Variants in KATNA1 observed in about 807,000 individuals in gnomAD.
The protein encoded by KATNA1 is katanin catalytic subunit A1, also known as katanin p60 ATPase-containing subunit A1.
KATNA1 carries 42 observed loss-of-function variants against 62.6 expected under a neutral mutation model. The ratio of observed to expected loss-of-function variants is 0.67; its 90% CI spans 0.52 to 0.87. The LOEUF (loss-of-function observed/expected upper bound fraction) is 0.87, where lower values mean the gene tolerates loss of function less well. Among genes scored for constraint, KATNA1 ranks in the 40% least tolerant of loss-of-function variants. The pLI, the probability that KATNA1 is intolerant of heterozygous loss-of-function variation, is 0.00. For missense variants in KATNA1, 498 were observed against 612.5 expected (o/e 0.81, Z 1.97); for synonymous variants, 186 against 201.9 (o/e 0.92, Z 0.67).
intron 1 of KATNA1, among the ~76,000 whole-genome samples, chr6:149,641,103 C>T (rs572445711): frequency 3.3e-5 from 5 of 151,426 alleles, no homozygotes; most frequent in South Asian, 2.1e-4. Flanking sequence ...CTCCCGATCT[C>T]GGGTGATCTG....
Position 149,597,490 on chromosome 6 carries a change from G to GA in KATNA1, c.1150+16dup. 1 of 1,610,292 alleles carries GA rather than the reference G, an allele frequency of 6.2e-7. No individual in the cohort carries two copies. The highest frequency in any genetic ancestry group is 8.5e-7 in the Non-Finnish European group (1 of 1,178,916). Reference sequence around the variant, plus strand: ...TGAAAGTTAACAGGCTTTCTGACAAGATTGAAAGGAAGATACCTGACGGCA... The same window carrying GA: ...TGAAAGTTAACAGGCTTTCTGACAAGAATTGAAAGGAAGATACCTGACGGCA... On this transcript the variant is annotated intron_variant, in intron 9 of 10. Transcript: ENST00000367411.
At chr6:149,616,963 T>C (rs1256675806) in intron 4 of KATNA1, among the ~76,000 whole-genome samples, 1 of 152,178 alleles carries the variant, frequency 6.6e-6, no homozygotes, top group African/African-American at 2.4e-5. Flanking sequence ...TGCAATGGAA[T>C]AGCACTCAGC....
At chr6:149,633,012 A>AT (rs1309540640) in intron 2 of KATNA1, 96 bp from the exon 3 acceptor site, 1 of 856,576 alleles carries the variant, frequency 1.2e-6, no homozygotes, top group Non-Finnish European at 1.8e-6. Flanking sequence ...ACAAAACTCC[A>AT]TTTTGATATC....
chr6:149,595,924 T>G (rs1778291627), intron 10 of KATNA1, among the ~76,000 whole-genome samples: 2 of 152,232 alleles, frequency 1.3e-5, no homozygotes, highest in Admixed American at 1.3e-4. Flanking sequence ...TTAAAGACAT[T>G]CTTTTTTTCT....
intron 4 of KATNA1, among the ~76,000 whole-genome samples, chr6:149,612,412 A>C (rs558364366): frequency 6.6e-6 from 1 of 151,784 alleles, no homozygotes; most frequent in East Asian, 2.0e-4. Context: ...GTGAAGCTGA[A>C]GCACGAGAAT....
chr6:149,639,795 C>A (rs1780211173), intron 1 of KATNA1, among the ~76,000 whole-genome samples: 2 of 152,132 alleles, frequency 1.3e-5, no homozygotes, highest in South Asian at 4.1e-4. Context: ...CATCCCAAGA[C>A]ACTTGTCTAC....
chr6:149,598,393 T>C (rs1778409217), intron 7 of KATNA1, 43 bp from the exon 8 acceptor site: 2 of 1,596,698 alleles, frequency 1.3e-6, no homozygotes, highest in South Asian at 1.1e-5. Flanking sequence ...TAAGCTATTA[T>C]TTCATTTTAA....
intron 1 of KATNA1, among the ~76,000 whole-genome samples, chr6:149,641,482 G>A (rs1449597795): frequency 3.3e-5 from 5 of 151,692 alleles, no homozygotes; most frequent in South Asian, 2.1e-4. Context: ...GGCCTGCCTT[G>A]GGGTTTTTTT....
rs1263981056 is a variant in KATNA1 at position 149,623,193 on chromosome 6, G to T, written c.411C>A (p.His137Gln). ...GNRPSTTVRV[H>Q]RSSAQNVHND... ...TGTGAACATTCTGTGCAGATGAACGGTGAACTCTGACAGTTGTACTTGGAC... is the reference window on the plus strand; with the variant it reads ...TGTGAACATTCTGTGCAGATGAACGTTGAACTCTGACAGTTGTACTTGGAC... Residue 137 changes from histidine (H) to glutamine (Q), a missense_variant, in exon 4 of 11, where the codon CAC becomes CAA. Physicochemically the swap from His to Gln is conservative, Grantham distance 24. Transcript: ENST00000367411. The T allele has an allele frequency of 3.1e-6, 5 of 1,613,590 alleles. No homozygotes were observed. Among genetic ancestry groups the T allele is most frequent in the Non-Finnish European group, 4.2e-6 (5 of 1,179,694 alleles).
chr6:149,631,336 T>C (rs1421019050), intron 3 of KATNA1: 1 of 151,960 alleles, frequency 6.6e-6, no homozygotes, highest in East Asian at 1.9e-4. Context: ...GAGGCAGAGG[T>C]TGCAGTGAGC....
In KATNA1 at chr6:149,595,085, G is replaced by A; in HGVS notation, c.1427C>T (p.Ala476Val). The A allele has an allele frequency of 6.2e-7, 1 of 1,614,012 alleles. No individual in the cohort carries two copies. Among genetic ancestry groups the A allele is most frequent in the Non-Finnish European group, 8.5e-7 (1 of 1,179,954 alleles). The change falls in exon 11 of 11, where the codon GCA becomes GTA. Residue 476 changes from alanine to valine, a missense_variant. This residue lies in a region of KATNA1 where 267 missense variants were observed against 372.6 expected (regional missense o/e 0.72). Coordinates refer to ENST00000367411, the MANE Select transcript of KATNA1 (RefSeq NM_007044.4). ...CCATTTCTCGTATCTTTCAATGTCT[G>A]CAGCAGACACTGACTTAGAAACCTT... Reference protein sequence around the residue: ...LKKVSKSVSAADIERYEKWIF... With the variant: ...LKKVSKSVSAVDIERYEKWIF...
chr6:149,625,501 G>C (rs533131320), intron 3 of KATNA1, among the ~76,000 whole-genome samples: 2 of 151,998 alleles, frequency 1.3e-5, no homozygotes, highest in African/African-American at 4.8e-5. Flanking sequence ...GTGGTGGCAC[G>C]CACTGGTAAT....
rs1431281616 is a variant in KATNA1 at position 149,599,039 on chromosome 6, AT to A, written c.889-690del. Among the ~76,000 whole-genome samples the A allele has an allele frequency of 2.0e-5, 3 of 151,668 alleles. No homozygotes were observed. In the East Asian group the frequency reaches 5.8e-4, roughly 29 times the overall value. On this transcript the variant is annotated intron_variant, in intron 7 of 10. Coordinates refer to ENST00000367411, the MANE Select transcript of KATNA1 (RefSeq NM_007044.4). ...GCCACCACACCAGGCTTATTTTTAT[AT>A]TTTTGGTAGAGATGGTGTCTTATTA...
At position 149,620,205 on chromosome 6, in the gene KATNA1, G is replaced by A. The variant is rs78599540; in HGVS notation, c.501+2898C>T. On this transcript the variant is annotated intron_variant, in intron 4 of 10. Coordinates refer to ENST00000367411, the MANE Select transcript of KATNA1 (RefSeq NM_007044.4). ...CTGGGATGGGTAGGGGAAGGTGGGT[G>A]TATCAGACATTGGTTAACAAATACA... Among the ~76,000 whole-genome samples, 553 of 152,288 alleles carry A rather than the reference G, an allele frequency of 3.6e-3. 3 individuals carry two copies. Among genetic ancestry groups the A allele is most frequent in the African/African-American group, 0.013 (526 of 41,560 alleles).
At chr6:149,631,564 C>CAAAAAAAAAAAAAAAAAAAAAA (rs11436870) in intron 3 of KATNA1, 1 of 140,418 alleles carries the variant, frequency 7.1e-6, no homozygotes, top group African/African-American at 2.6e-5. Flanking sequence ...ACAAAAAAAA[C>CAAAAAAAAAAAAAAAAAAAAAA]AAAAAAAAAA....
At chr6:149,634,429 G>A (rs190863209) in intron 2 of KATNA1, among the ~76,000 whole-genome samples, 1 of 152,074 alleles carries the variant, frequency 6.6e-6, no homozygotes, top group African/African-American at 2.4e-5. Context: ...AGAGGCTGAG[G>A]TGAGAGAATT....
chr6:149,644,568 C>T lies in KATNA1; in HGVS notation c.-14+3901G>A, dbSNP rs140368362. ...CCCAGGAGGTCAAAGATGCAATGAGCTGTGATCACACCACTGCACTCTAGC... is the reference window on the plus strand; with the variant it reads ...CCCAGGAGGTCAAAGATGCAATGAGTTGTGATCACACCACTGCACTCTAGC... On this transcript the variant is annotated intron_variant, in intron 1 of 10. Transcript: ENST00000367411. 4.5e-3 allele frequency among the ~76,000 whole-genome samples: 691 copies of T among 152,170 alleles called. 4 individuals carry two copies. The highest frequency in any genetic ancestry group is 0.016 in the African/African-American group (659 of 41,524).
At chr6:149,634,651 G>A (rs1779998990) in intron 2 of KATNA1, among the ~76,000 whole-genome samples, 2 of 152,144 alleles carry the variant, frequency 1.3e-5, no homozygotes, top group Non-Finnish European at 2.9e-5. Context: ...GATTACAGGT[G>A]TGAGCCACCA....
At chr6:149,633,336 T>C (rs1350195980) in intron 2 of KATNA1, among the ~76,000 whole-genome samples, 1 of 152,084 alleles carries the variant, frequency 6.6e-6, no homozygotes, top group African/African-American at 2.4e-5. Flanking sequence ...CTTGATCTCC[T>C]GACCTCGTGA....
Sources: allele counts gnomAD v4.1 joint callset (sites outside exome capture counted in the v4.1 genomes callset), GRCh38; gene constraint gnomAD v4.1.1; regional missense constraint gnomAD v4.1.1; transcripts MANE v1.5; gene names NCBI Gene and HGNC (gene_info 2026-07-23, HGNC 2026-07-21).